The following APBB1IP variants were observed in gnomAD, a reference collection of about 807,000 sequenced individuals.
APBB1IP encodes the protein amyloid beta precursor protein binding family B member 1 interacting protein, also known as amyloid beta A4 precursor protein-binding family B member 1-interacting protein.
Under a neutral mutation model 64.9 loss-of-function variants are expected in APBB1IP, and 27 were observed. The ratio of observed to expected loss-of-function variants is 0.42; its 90% CI spans 0.31 to 0.57. The LOEUF is 0.57. Among genes scored for constraint, APBB1IP ranks in the 20% least tolerant of loss-of-function variants. APBB1IP has a pLI of 0.20. For synonymous variants in APBB1IP, 392 were observed against 331.0 expected, an observed-to-expected ratio of 1.18 and a Z score of -2.00; for missense variants, 812 against 845.5, an observed-to-expected ratio of 0.96 and a Z score of 0.49.
At chr10:26,493,490 A>G (rs1835982554) in intron 3 of APBB1IP, among the ~76,000 whole-genome samples, 1 of 152,238 alleles carries the variant, frequency 6.6e-6, no homozygotes, top group Admixed American at 6.5e-5. Context: ...GGGAACTAAT[A>G]AACGTCCATG....
chr10:26,554,067 C>T (rs1346812620), intron 11 of APBB1IP, among the ~76,000 whole-genome samples: 1 of 152,180 alleles, frequency 6.6e-6, no homozygotes, highest in Admixed American at 6.5e-5. Context: ...TGGACAGTCT[C>T]ACCTTCTTCC....
In APBB1IP at chr10:26,542,964, C is replaced by T. The variant is rs1053109776; in HGVS notation, c.1155+1272C>T. 4.1e-5 allele frequency among the ~76,000 whole-genome samples: 6 copies of T among 147,656 alleles called. No individual in the cohort carries two copies. The South Asian group carries it at 1.3e-3, about 33-fold the overall frequency. ...TGGGGCATGGAGCAGGGACTACTGA[C>T]ATCTAGTAGGCCAGGTATGCTGCTA... On this transcript the variant is annotated intron_variant, in intron 11 of 14. Transcript: ENST00000376236.
chr10:26,458,791 A>G (rs1003371365), intron 2 of APBB1IP, among the ~76,000 whole-genome samples: 1 of 152,098 alleles, frequency 6.6e-6, no homozygotes, highest in African/African-American at 2.4e-5. Flanking sequence ...CACTAATTCT[A>G]TTATTATCTA....
intron 8 of APBB1IP, among the ~76,000 whole-genome samples, chr10:26,520,414 C>G (rs1836388502): frequency 6.6e-6 from 1 of 152,214 alleles, no homozygotes; most frequent in Non-Finnish European, 1.5e-5. Context: ...CCCAGAATAT[C>G]AGTTTTTCTG....
At chr10:26,439,586 G>A (rs929462145) in intron 2 of APBB1IP, among the ~76,000 whole-genome samples, 2 of 152,104 alleles carry the variant, frequency 1.3e-5, no homozygotes, top group East Asian at 1.9e-4. Context: ...GACCTAGCCC[G>A]GTGTACCTCT....
chr10:26,515,919 A>C (rs1836320681), intron 8 of APBB1IP, among the ~76,000 whole-genome samples: 1 of 152,226 alleles, frequency 6.6e-6, no homozygotes, highest in Non-Finnish European at 1.5e-5. Flanking sequence ...GAGATTAACA[A>C]GAGGAAAGTA....
At chr10:26,444,620 A>G (rs1835372008) in intron 2 of APBB1IP, among the ~76,000 whole-genome samples, 1 of 152,152 alleles carries the variant, frequency 6.6e-6, no homozygotes, top group African/African-American at 2.4e-5. Flanking sequence ...GTTGGAAGGG[A>G]GATGATTAGA....
rs183869761 is a variant in APBB1IP at position 26,534,385 on chromosome 10, A to G, written c.900+860A>G. Among the ~76,000 whole-genome samples the G allele has an allele frequency of 1.2e-3, 179 of 151,706 alleles. 1 individual carries two copies. Among genetic ancestry groups the G allele is most frequent in the Middle Eastern group, 6.8e-3 (2 of 294 alleles). On this transcript the variant is annotated intron_variant, in intron 9 of 14. Coordinates refer to ENST00000376236, the MANE Select transcript of APBB1IP (RefSeq NM_019043.4). ...GCCAGATCTCAAATCACAAATGGTC[A>G]TGCTAGAACTGCCCAGGTTGTATTT...
At chr10:26,486,558 T>C (rs1195793096) in intron 2 of APBB1IP, among the ~76,000 whole-genome samples, 4 of 152,062 alleles carry the variant, frequency 2.6e-5, no homozygotes, top group African/African-American at 7.2e-5. Context: ...TGGGGGATGT[T>C]GAGCTGGCTG....
intron 8 of APBB1IP, among the ~76,000 whole-genome samples, chr10:26,530,364 T>C (rs527800837): frequency 1.3e-5 from 2 of 151,934 alleles, no homozygotes; most frequent in African/African-American, 2.4e-5. Flanking sequence ...TGCCCGGCTC[T>C]GTACTTAAGA....
chr10:26,482,537 C>T (rs923328740), intron 2 of APBB1IP, among the ~76,000 whole-genome samples: 8 of 152,120 alleles, frequency 5.3e-5, no homozygotes, highest in Non-Finnish European at 7.3e-5. Context: ...TGCGAGCATC[C>T]GAATTCTGTA....
chr10:26,555,471 A>G (rs966973157), intron 11 of APBB1IP, among the ~76,000 whole-genome samples: 3 of 152,214 alleles, frequency 2.0e-5, no homozygotes, highest in Non-Finnish European at 4.4e-5. Context: ...TTAGTATGGA[A>G]CATACTATTT....
chr10:26,499,379 C>T (rs748936759), intron 4 of APBB1IP, among the ~76,000 whole-genome samples: 4 of 151,958 alleles, frequency 2.6e-5, no homozygotes, highest in Non-Finnish European at 4.4e-5. Flanking sequence ...TGTTTTTACA[C>T]GTTTAGGAAA....
chr10:26,528,297 C>T (rs930660287), intron 8 of APBB1IP, among the ~76,000 whole-genome samples: 2 of 152,196 alleles, frequency 1.3e-5, no homozygotes, highest in African/African-American at 4.8e-5. Context: ...GCATTAACCC[C>T]ATAGCTCTAG....
rs1157162388 is a variant in APBB1IP at position 26,457,041 on chromosome 10, A to G, written c.-1+18188A>G. ...GTTATTGGGCTATAGGTCAAGATAA[A>G]TGTAGGCTGGTTTTTTGGGTGTTTG... is the stretch of plus-strand genomic sequence containing the variant. On this transcript the variant is annotated intron_variant, in intron 2 of 14. Coordinates refer to ENST00000376236, the MANE Select transcript of APBB1IP (RefSeq NM_019043.4). Among the ~76,000 whole-genome samples, 3 of 152,154 alleles carry G rather than the reference A, an allele frequency of 2.0e-5. No homozygotes were observed. In the South Asian group the frequency reaches 6.2e-4, roughly 31 times the overall value.
intron 2 of APBB1IP, among the ~76,000 whole-genome samples, chr10:26,480,113 G>A (rs1008046921): frequency 1.3e-5 from 2 of 152,172 alleles, no homozygotes; most frequent in Non-Finnish European, 2.9e-5. Context: ...AGGTGACCCC[G>A]GGCAAGGAGC....
chr10:26,442,966 C>T (rs4120547), intron 2 of APBB1IP, among the ~76,000 whole-genome samples: 59,034 of 151,990 alleles, frequency 0.39, 11,656 homozygotes, highest in South Asian at 0.49. Flanking sequence ...TGGTCACAAG[C>T]AGCTTGTGCT....
intron 2 of APBB1IP, among the ~76,000 whole-genome samples, chr10:26,458,998 T>C (rs545360997): frequency 6.6e-6 from 1 of 152,044 alleles, no homozygotes; most frequent in South Asian, 2.1e-4. Context: ...TGCAGGTTAG[T>C]TACATATATA....
intron 2 of APBB1IP, among the ~76,000 whole-genome samples, chr10:26,452,797 G>A (rs767674844): frequency 3.6e-4 from 54 of 151,948 alleles, no homozygotes; most frequent in African/African-American, 8.0e-4. Flanking sequence ...GTACCCAATC[G>A]GTAATTTTTC....
Sources: gnomAD v4.1 joint callset for allele counts (sites outside exome capture counted in the v4.1 genomes callset) on GRCh38, gnomAD v4.1.1 for gene constraint, MANE v1.5 for transcripts, NCBI Gene and HGNC (gene_info 2026-07-23, HGNC 2026-07-21) for gene names.